ARK2C: variants seen among roughly 807,000 people sequenced by gnomAD.
ARK2C encodes E3 ubiquitin-protein ligase ARK2C.
the ARK2C span, among the ~76,000 whole-genome samples, chr18:46,438,125 A>G: frequency 6.6e-6 from 1 of 152,254 alleles, no homozygotes; most frequent in South Asian, 2.1e-4. Flanking sequence ...CAAAGGCCAA[A>G]AATGACACAT....
the ARK2C span, among the ~76,000 whole-genome samples, chr18:46,409,234 GA>G: frequency 6.6e-6 from 1 of 152,110 alleles, no homozygotes; most frequent in South Asian, 2.1e-4. Context: ...CTTCAAAGGA[GA>G]AAAAAGGGGA....
At chr18:46,407,712 G>A in the ARK2C span, among the ~76,000 whole-genome samples, 5 of 152,196 alleles carry the variant, frequency 3.3e-5, no homozygotes, top group African/African-American at 4.8e-5. Context: ...GAGCAGGGCA[G>A]TACATGCTGG....
the ARK2C span, among the ~76,000 whole-genome samples, chr18:46,422,373 G>T: frequency 6.6e-6 from 1 of 152,212 alleles, no homozygotes; most frequent in Admixed American, 6.5e-5. Context: ...GGCTAGAAAA[G>T]TCAGTGTGGG....
chr18:46,362,858 A>G, the ARK2C span, among the ~76,000 whole-genome samples: 1 of 152,252 alleles, frequency 6.6e-6, no homozygotes. Context: ...GTGTTCACTC[A>G]GTCCTTCCAC....
chr18:46,421,982 AATAG>A, the ARK2C span, among the ~76,000 whole-genome samples: 21 of 152,150 alleles, frequency 1.4e-4, no homozygotes, highest in Admixed American at 1.4e-3. Flanking sequence ...ACTGGGAACC[AATAG>A]ATAGAGAGGG....
the ARK2C span, among the ~76,000 whole-genome samples, chr18:46,389,077 A>G: frequency 6.6e-6 from 1 of 152,082 alleles, no homozygotes. Context: ...TTGGAGGGGG[A>G]AGACAGGCTT....
At chr18:46,351,945 C>T in the ARK2C span, among the ~76,000 whole-genome samples, 114 of 152,318 alleles carry the variant, frequency 7.5e-4, no homozygotes, top group Non-Finnish European at 9.1e-4. Context: ...CGTGCATCTA[C>T]GCAGTTTTTC....
chr18:46,426,297 G>A, the ARK2C span, among the ~76,000 whole-genome samples: 6 of 152,204 alleles, frequency 3.9e-5, no homozygotes, highest in African/African-American at 7.2e-5. Flanking sequence ...GCAAGGCAGT[G>A]AGCCTTTTAG....
the ARK2C span, among the ~76,000 whole-genome samples, chr18:46,413,526 G>A: frequency 6.6e-6 from 1 of 152,072 alleles, no homozygotes; most frequent in East Asian, 1.9e-4. Flanking sequence ...TGGACTACGG[G>A]ATAGCAAGTT....
At chr18:46,454,758 G>T in the ARK2C span, among the ~76,000 whole-genome samples, 3 of 152,212 alleles carry the variant, frequency 2.0e-5, no homozygotes, top group African/African-American at 4.8e-5. Context: ...TCTCTGGAGA[G>T]GGACAGAATG....
At chr18:46,456,657 C>A in the ARK2C span, 1 of 1,531,964 alleles carries the variant, frequency 6.5e-7, no homozygotes. Context: ...AGCCAGTGGA[C>A]ACCCCATTTC....
At chr18:46,398,507 A>G in the ARK2C span, among the ~76,000 whole-genome samples, 1 of 152,056 alleles carries the variant, frequency 6.6e-6, no homozygotes, top group Non-Finnish European at 1.5e-5. Context: ...ACAATTGGCC[A>G]GCAAATCTGG....
the ARK2C span, among the ~76,000 whole-genome samples, chr18:46,385,409 T>C: frequency 6.6e-6 from 1 of 152,062 alleles, no homozygotes; most frequent in South Asian, 2.1e-4. Context: ...CGTGTGCATA[T>C]GTGTGCAGGG....
the ARK2C span, among the ~76,000 whole-genome samples, chr18:46,401,848 G>C: frequency 6.6e-6 from 1 of 152,190 alleles, no homozygotes; most frequent in Non-Finnish European, 1.5e-5. Context: ...ATGTAGCTCT[G>C]GTTGAAGGGC....
the ARK2C span, among the ~76,000 whole-genome samples, chr18:46,421,319 A>G: frequency 6.6e-6 from 1 of 152,202 alleles, no homozygotes; most frequent in Non-Finnish European, 1.5e-5. Flanking sequence ...GCACATGACC[A>G]AGGTTTTTGG....
At chr18:46,415,076 G>A in the ARK2C span, among the ~76,000 whole-genome samples, 3 of 152,192 alleles carry the variant, frequency 2.0e-5, no homozygotes, top group African/African-American at 7.2e-5. Flanking sequence ...GTCAGCCTGT[G>A]CGCTGCTGCA....
chr18:46,426,174 A>G, the ARK2C span, among the ~76,000 whole-genome samples: 7 of 152,112 alleles, frequency 4.6e-5, no homozygotes, highest in African/African-American at 1.7e-4. Context: ...ACCATATTTC[A>G]TCAAGCTTCC....
At chr18:46,398,907 A>T in the ARK2C span, among the ~76,000 whole-genome samples, 1 of 152,170 alleles carries the variant, frequency 6.6e-6, no homozygotes, top group East Asian at 1.9e-4. Flanking sequence ...TAGGATGCAC[A>T]TGTAGGGCAG....
At chr18:46,381,277 G>A in the ARK2C span, among the ~76,000 whole-genome samples, 1 of 152,220 alleles carries the variant, frequency 6.6e-6, no homozygotes, top group African/African-American at 2.4e-5. Flanking sequence ...GGTCTCTGAG[G>A]AGTCAGGTTC....
Sources: allele counts gnomAD v4.1 joint callset (sites outside exome capture counted in the v4.1 genomes callset), GRCh38; gene constraint gnomAD v4.1.1; transcripts MANE v1.5; gene names NCBI Gene and HGNC (gene_info 2026-07-23, HGNC 2026-07-21).